PRMT2: variants seen among roughly 807,000 people sequenced by gnomAD.
PRMT2 encodes protein arginine methyltransferase 2, also known as protein arginine N-methyltransferase 2.
PRMT2 carries 26 observed loss-of-function variants against 57.6 expected under a neutral mutation model. That is an observed-to-expected ratio of 0.45 (90% confidence interval 0.33 to 0.63). PRMT2 has a LOEUF of 0.63. Ranked by LOEUF, PRMT2 falls within the 20% of genes least tolerant of loss-of-function variation. PRMT2 has a pLI of 0.02. For synonymous variants in PRMT2, 219 were observed against 220.0 expected (o/e 1.00, Z 0.04); for missense variants, 472 against 564.4 (o/e 0.84, Z 1.66).
intron 9 of PRMT2, 84 bp from the exon 10 acceptor site, chr21:46,661,716 G>T: frequency 1.6e-6 from 2 of 1,233,714 alleles, no homozygotes; most frequent in Non-Finnish European, 2.0e-6. Context: ...GCGTCTGCGC[G>T]GGGCGCGTGG....
rs184101564 is a variant in PRMT2 at position 46,664,783 on chromosome 21, G to A, written c.*456G>A. 2.9e-5 allele frequency: 6 copies of A among 205,958 alleles called. No individual in the cohort carries two copies. The highest frequency in any genetic ancestry group is 5.0e-5 in the Non-Finnish European group (5 of 99,440). The allele number at this position is 205,958 out of a possible 1,614,324, so 12.8% of individuals were successfully genotyped here. On this transcript the variant is annotated 3_prime_UTR_variant, in exon 12 of 12. Transcript: ENST00000355680. ...GGGACGTAGGATTGCACAGGGCTGT[G>A]CCAGTGGCGTGTAGGGAACACTGCC...
chr21:46,654,482 G>A (rs2061511604), intron 7 of PRMT2, among the ~76,000 whole-genome samples: 3 of 152,136 alleles, frequency 2.0e-5, no homozygotes, highest in African/African-American at 2.4e-5. Context: ...GAGTAGACAG[G>A]GAGAAACTAT....
chr21:46,659,719 C>T, intron 8 of PRMT2: 3 of 982,954 alleles, frequency 3.1e-6, no homozygotes, highest in Non-Finnish European at 3.6e-6. Context: ...CTGCCCACCC[C>T]AGTCACTGCC....
chr21:46,662,344 C>T (rs2061642563), intron 10 of PRMT2, among the ~76,000 whole-genome samples: 1 of 152,348 alleles, frequency 6.6e-6, no homozygotes, highest in South Asian at 2.1e-4. Flanking sequence ...GCACCCTGGG[C>T]ATGTGTGGCA....
chr21:46,649,411 CT>C lies in PRMT2; in HGVS notation c.490-163del. The C allele has an allele frequency of 4.5e-6, 5 of 1,115,360 alleles. No homozygotes were observed. Among genetic ancestry groups the C allele is most frequent in the Non-Finnish European group, 6.6e-6 (5 of 754,770 alleles). 69.1% of individuals were successfully genotyped at this position (1,115,360 alleles called of 1,614,324 possible). On this transcript the variant is annotated intron_variant, in intron 6 of 11. Transcript: ENST00000355680. The surrounding 1 kb of genome is among the most constrained non-coding windows in gnomAD (Gnocchi z 4.8). ...AGAGGCGGCTCCTTTCTGGGTGCCC[CT>C]GGAGGGGCAGGTGTGGCCAGTCCTC... is the stretch of plus-strand genomic sequence containing the variant.
chr21:46,664,456 C>T lies in PRMT2; in HGVS notation c.*129C>T. 1 of 1,224,412 alleles carries T rather than the reference C, an allele frequency of 8.2e-7. No individual in the cohort carries two copies. Among genetic ancestry groups the T allele is most frequent in the Non-Finnish European group, 1.2e-6 (1 of 841,838 alleles). 75.8% of individuals were successfully genotyped at this position (1,224,412 alleles called of 1,614,324 possible). ...GAACATTCACTCCACATTGACCCCT[C>T]CCTAGCCTGGCAGGTGACGTCAGGG... is the stretch of plus-strand genomic sequence containing the variant. On this transcript the variant is annotated 3_prime_UTR_variant, in exon 12 of 12. Transcript: ENST00000355680.
intron 7 of PRMT2, chr21:46,652,833 C>T (rs557068906): frequency 9.4e-6 from 12 of 1,278,496 alleles, no homozygotes; most frequent in Admixed American, 2.7e-5. Flanking sequence ...CCCTAATTTG[C>T]GTTATCATTA....
At chr21:46,642,418 C>T (rs976001854) in intron 3 of PRMT2, among the ~76,000 whole-genome samples, 2 of 152,168 alleles carry the variant, frequency 1.3e-5, no homozygotes, top group Non-Finnish European at 2.9e-5. Context: ...AGGCCACAGG[C>T]TTATTGTGTG....
intron 8 of PRMT2, 87 bp downstream of exon 8, chr21:46,659,007 A>G: frequency 6.6e-7 from 1 of 1,503,996 alleles, no homozygotes; most frequent in Non-Finnish European, 8.9e-7. Context: ...GGGAGATCCC[A>G]TACGACGGTT....
chr21:46,660,095 ATG>A (rs964488363), intron 8 of PRMT2: 2 of 970,830 alleles, frequency 2.1e-6, no homozygotes, highest in Non-Finnish European at 2.4e-6. Context: ...AGAAAAATAA[ATG>A]TGTAAATATA....
intron 7 of PRMT2, chr21:46,654,025 G>T: frequency 5.0e-6 from 5 of 991,006 alleles, no homozygotes; most frequent in Non-Finnish European, 6.0e-6. Context: ...ACTTCTGAGG[G>T]CACATTCACC....
chr21:46,653,184 A>G, intron 7 of PRMT2: 1 of 985,418 alleles, frequency 1.0e-6, no homozygotes, highest in Non-Finnish European at 1.2e-6. Flanking sequence ...AAAAGAAACA[A>G]AGTAACTGCT....
At chr21:46,643,492 A>AT in intron 3 of PRMT2, 43 bp from the exon 4 acceptor site, 1 of 1,419,064 alleles carries the variant, frequency 7.0e-7, no homozygotes. Context: ...AAAAAAAAAA[A>AT]GCTCCAGCGT....
rs2061487835 is a variant in PRMT2 at position 46,653,182 on chromosome 21, C to CA, written c.654+3446dup. ...TGACGAATTTTCTAAGCAAAAGAAA[C>CA]AAAGTAACTGCTGAGGTTAACAAAG... is the stretch of plus-strand genomic sequence containing the variant. On this transcript the variant is annotated intron_variant, in intron 7 of 11. Transcript: ENST00000355680. 6 of 985,296 alleles carry CA rather than the reference C, an allele frequency of 6.1e-6. No individual in the cohort carries two copies. In the South Asian group the frequency reaches 1.9e-4, roughly 31 times the overall value. 61.0% of individuals were successfully genotyped at this position (985,296 alleles called of 1,614,324 possible).
chr21:46,653,726 A>C, intron 7 of PRMT2: 1 of 1,231,426 alleles, frequency 8.1e-7, no homozygotes, highest in South Asian at 1.5e-5. Context: ...CACACACACA[A>C]AACCATCAAC....
chr21:46,641,905 T>A (rs2061283365), intron 3 of PRMT2, among the ~76,000 whole-genome samples: 1 of 152,080 alleles, frequency 6.6e-6, no homozygotes, highest in Non-Finnish European at 1.5e-5. Flanking sequence ...GTCATGCTCC[T>A]GGCATAGGGA....
At chr21:46,637,773 ATGTG>A (rs753187692) in intron 3 of PRMT2, among the ~76,000 whole-genome samples, 2 of 151,074 alleles carry the variant, frequency 1.3e-5, no homozygotes, top group African/African-American at 2.4e-5. Context: ...ATATACATAT[ATGTG>A]TGTGTGTGTG....
chr21:46,649,550 G>A lies in PRMT2; in HGVS notation c.490-25G>A, dbSNP rs1213138499. ...CGGGCCGTGTGCCGGCCGGATGTAC[G>A]CTGACGGTGCCTCTGCTGCTGCAGG... is the stretch of plus-strand genomic sequence containing the variant. On this transcript the variant is annotated intron_variant, in intron 6 of 11. Transcript: ENST00000355680. The surrounding 1 kb of genome is among the most constrained non-coding windows in gnomAD (Gnocchi z 4.8). The A allele has an allele frequency of 2.8e-5, 45 of 1,613,776 alleles. No homozygotes were observed. Among genetic ancestry groups the A allele is most frequent in the East Asian group, 1.1e-4 (5 of 44,882 alleles).
rs2061414404 is a variant in PRMT2 at position 46,649,347 on chromosome 21, CT to C, written c.490-227del. Among the ~76,000 whole-genome samples, 1 of 152,216 alleles carries C rather than the reference CT, an allele frequency of 6.6e-6. No individual in the cohort carries two copies. Among genetic ancestry groups the C allele is most frequent in the Non-Finnish European group, 1.5e-5 (1 of 68,040 alleles). On this transcript the variant is annotated intron_variant, in intron 6 of 11. Coordinates refer to ENST00000355680, the MANE Select transcript of PRMT2 (RefSeq NM_206962.4). The surrounding 1 kb of genome is among the most constrained non-coding windows in gnomAD (Gnocchi z 4.8). ...CTTCCATCCACTTGCAGCCCTGCGT[CT>C]GTGTCTTGTCCGGGAGGTGGGGGCA...
Sources: gnomAD v4.1 joint callset for allele counts (sites outside exome capture counted in the v4.1 genomes callset) on GRCh38, gnomAD v4.1.1 for gene constraint, Gnocchi (gnomAD v3.1) non-coding constraint, MANE v1.5 for transcripts, NCBI Gene and HGNC (gene_info 2026-07-23, HGNC 2026-07-21) for gene names.